Variants in EHBP1 observed in about 807,000 individuals in gnomAD.
EHBP1 encodes EH domain-binding protein 1.
A neutral mutation model predicts 144.0 loss-of-function variants in EHBP1; 55 were observed. The ratio of observed to expected loss-of-function variants is 0.38; its 90% confidence interval spans 0.31 to 0.48. EHBP1 has a LOEUF of 0.48. Ranked by LOEUF, EHBP1 falls within the 20% of genes least tolerant of loss-of-function variation. The pLI, the probability that EHBP1 is intolerant of heterozygous loss-of-function variation, is 0.98. For missense variants in EHBP1, 1,200 were observed against 1,364.2 expected, an observed-to-expected ratio of 0.88 and a Z score of 1.90; for synonymous variants, 469 against 472.7, an observed-to-expected ratio of 0.99 and a Z score of 0.10.
intron 15 of EHBP1, among the ~76,000 whole-genome samples, chr2:62,979,835 C>T (rs2153196798): frequency 6.6e-6 from 1 of 152,190 alleles, no homozygotes; most frequent in Middle Eastern, 3.4e-3. Flanking sequence ...AGAGGGTCTT[C>T]TTCAATATCT....
chr2:62,858,310 A>G, intron 7 of EHBP1: 2 of 723,566 alleles, frequency 2.8e-6, no homozygotes. Context: ...TTAACCAAAC[A>G]TCTCCTCTTT....
chr2:62,857,602 A>ATACCTAT (rs1473244470), intron 7 of EHBP1, among the ~76,000 whole-genome samples: 1 of 152,142 alleles, frequency 6.6e-6, no homozygotes, highest in Non-Finnish European at 1.5e-5. Context: ...CGTTATACCT[A>ATACCTAT]AGCTATTCCT....
intron 5 of EHBP1, among the ~76,000 whole-genome samples, chr2:62,793,084 ATGT>A (rs575217198): frequency 1.3e-4 from 20 of 152,216 alleles, no homozygotes; most frequent in South Asian, 4.1e-4. Context: ...GAACATATAC[ATGT>A]TGTATAATTT....
chr2:62,952,758 C>G lies in EHBP1; in HGVS notation c.2317-2759C>G, dbSNP rs938172756. On this transcript the variant is annotated intron_variant, in intron 13 of 22. Transcript: ENST00000431489. The stretch of plus-strand genomic sequence containing the variant: ...AAAGTCTGTGCTTCTCCACTTGATG[C>G]TTATAACATCTTTATTTACCATAAT... Among the ~76,000 whole-genome samples, 6 of 152,272 alleles carry G rather than the reference C, an allele frequency of 3.9e-5. No individual in the cohort carries two copies. The South Asian group carries it at 6.2e-4, about 16-fold the overall frequency.
At chr2:62,950,839 C>T (rs890594928) in intron 13 of EHBP1, among the ~76,000 whole-genome samples, 5 of 152,108 alleles carry the variant, frequency 3.3e-5, no homozygotes, top group Non-Finnish European at 7.4e-5. Flanking sequence ...GCATGTGCCA[C>T]CACACCCGGC....
intron 2 of EHBP1, among the ~76,000 whole-genome samples, chr2:62,746,883 C>G (rs1046146897): frequency 2.6e-5 from 4 of 151,852 alleles, no homozygotes; most frequent in Admixed American, 1.3e-4. Flanking sequence ...TATACCTTGC[C>G]TATTTTTTCA....
intron 19 of EHBP1, among the ~76,000 whole-genome samples, chr2:63,016,966 A>G (rs1416053047): frequency 1.3e-5 from 2 of 152,180 alleles, no homozygotes; most frequent in African/African-American, 2.4e-5. Flanking sequence ...CTGTTCTTCA[A>G]TATTTAATCC....
intron 20 of EHBP1, among the ~76,000 whole-genome samples, 175 bp from the exon 21 acceptor site, chr2:63,038,568 C>G (rs1348015927): frequency 6.6e-6 from 1 of 152,048 alleles, no homozygotes; most frequent in Non-Finnish European, 1.5e-5. Context: ...AATAATAGCA[C>G]TAGTAAATAT....
chr2:62,855,987 C>T (rs2049023151), intron 7 of EHBP1, among the ~76,000 whole-genome samples: 1 of 152,110 alleles, frequency 6.6e-6, no homozygotes, highest in Admixed American at 6.5e-5. Context: ...GGTCTCCTCC[C>T]TGCTAGGAGC....
At chr2:62,953,805 A>T (rs182780421) in intron 13 of EHBP1, among the ~76,000 whole-genome samples, 1 of 152,264 alleles carries the variant, frequency 6.6e-6, no homozygotes, top group Admixed American at 6.5e-5. Context: ...GTTAAACACA[A>T]TTGGTGATTT....
At chr2:62,742,969 G>T (rs987848004) in intron 2 of EHBP1, among the ~76,000 whole-genome samples, 1 of 151,900 alleles carries the variant, frequency 6.6e-6, no homozygotes, top group African/African-American at 2.4e-5. Flanking sequence ...CCTCCCACCA[G>T]CATAAAGTAA....
At chr2:63,017,532 G>A (rs963784915) in intron 19 of EHBP1, among the ~76,000 whole-genome samples, 4 of 152,154 alleles carry the variant, frequency 2.6e-5, no homozygotes, top group African/African-American at 7.2e-5. Context: ...AACACTTGGA[G>A]TATAACATTT....
At chr2:62,693,419 T>C (rs1003668370) in intron 1 of EHBP1, among the ~76,000 whole-genome samples, 1 of 152,172 alleles carries the variant, frequency 6.6e-6, no homozygotes, top group Non-Finnish European at 1.5e-5. Context: ...TCATATATTC[T>C]AGATACAAGT....
chr2:62,689,305 T>C (rs2033826356), intron 1 of EHBP1, among the ~76,000 whole-genome samples: 1 of 152,196 alleles, frequency 6.6e-6, no homozygotes, highest in Non-Finnish European at 1.5e-5. Flanking sequence ...TGGTTCAGAA[T>C]CTATTATGAT....
intron 8 of EHBP1, 24 bp downstream of exon 8, chr2:62,859,315 A>G: frequency 6.3e-7 from 1 of 1,591,624 alleles, no homozygotes. Flanking sequence ...CTGTAATTTT[A>G]AAGTCTTTGT....
intron 9 of EHBP1, among the ~76,000 whole-genome samples, chr2:62,871,224 C>G (rs1326477202): frequency 6.6e-6 from 1 of 152,172 alleles, no homozygotes; most frequent in Non-Finnish European, 1.5e-5. Flanking sequence ...CACACTCACA[C>G]CTGCTCTCTT....
intron 8 of EHBP1, among the ~76,000 whole-genome samples, chr2:62,860,258 G>A (rs1400404923): frequency 6.6e-6 from 1 of 152,134 alleles, no homozygotes; most frequent in African/African-American, 2.4e-5. Flanking sequence ...GGGAGGCCAG[G>A]GCTGGCGGAT....
intron 1 of EHBP1, among the ~76,000 whole-genome samples, chr2:62,699,735 A>C (rs1209782787): frequency 1.3e-5 from 2 of 152,196 alleles, no homozygotes; most frequent in African/African-American, 4.8e-5. Context: ...TTTGAATATC[A>C]TTGTTGCCTG....
At chr2:62,947,794 T>G (rs556811740) in intron 12 of EHBP1, among the ~76,000 whole-genome samples, 1 of 152,360 alleles carries the variant, frequency 6.6e-6, no homozygotes, top group Admixed American at 6.5e-5. Flanking sequence ...TAAAAATGTT[T>G]CTGTTTCTAG....
Sources: allele counts gnomAD v4.1 joint callset (sites outside exome capture counted in the v4.1 genomes callset), GRCh38; gene constraint gnomAD v4.1.1; transcripts MANE v1.5; gene names NCBI Gene and HGNC (gene_info 2026-07-23, HGNC 2026-07-21).